The following NEDD4 variants were observed in gnomAD, a reference collection of about 807,000 sequenced individuals.
The protein encoded by NEDD4 is E3 ubiquitin-protein ligase NEDD4.
NEDD4 carries 99 observed loss-of-function variants against 144.9 expected under a neutral mutation model. The ratio of observed to expected loss-of-function variants is 0.68; its 90% CI spans 0.58 to 0.81. The LOEUF is 0.81. NEDD4 is among the 30% of genes least tolerant of loss of function. The pLI is 0.00. For missense variants in NEDD4, 985 were observed against 1,065.9 expected (o/e 0.92, Z 1.06); for synonymous variants, 318 against 350.6 (o/e 0.91, Z 1.04).
intron 5 of NEDD4, among the ~76,000 whole-genome samples, chr15:55,878,926 G>A (rs1245017671): frequency 6.6e-6 from 1 of 152,186 alleles, no homozygotes; most frequent in Non-Finnish European, 1.5e-5. Flanking sequence ...TCGTTCAAGC[G>A]ATTCTTCTGC....
At chr15:55,971,551 G>C (rs1283436367) in intron 1 of NEDD4, among the ~76,000 whole-genome samples, 1 of 148,154 alleles carries the variant, frequency 6.7e-6, no homozygotes, top group East Asian at 2.1e-4. Context: ...CTTGAATCTG[G>C]GAGGCAGAGG....
At chr15:55,927,876 T>C (rs1320140900) in intron 4 of NEDD4, among the ~76,000 whole-genome samples, 7 of 152,178 alleles carry the variant, frequency 4.6e-5, no homozygotes, top group East Asian at 3.9e-4. Flanking sequence ...AGAAACCATT[T>C]TGAGGAAAAA....
chr15:55,867,657 C>T (rs988378098), intron 8 of NEDD4, among the ~76,000 whole-genome samples: 4 of 152,104 alleles, frequency 2.6e-5, no homozygotes, highest in Non-Finnish European at 2.9e-5. Context: ...AACAATTATA[C>T]GAAAATCAGA....
intron 5 of NEDD4, among the ~76,000 whole-genome samples, chr15:55,890,635 T>C (rs1249918070): frequency 2.0e-5 from 3 of 152,244 alleles, no homozygotes; most frequent in Non-Finnish European, 4.4e-5. Context: ...AATGCCACTA[T>C]GAACATTTGA....
intron 5 of NEDD4, among the ~76,000 whole-genome samples, chr15:55,893,124 A>C (rs2035625247): frequency 6.6e-6 from 1 of 152,170 alleles, no homozygotes; most frequent in East Asian, 1.9e-4. Context: ...TGAGTGAGCC[A>C]AGAAGCACAG....
chr15:55,891,709 T>C (rs1342406766), intron 5 of NEDD4, among the ~76,000 whole-genome samples: 1 of 152,200 alleles, frequency 6.6e-6, no homozygotes, highest in East Asian at 1.9e-4. Flanking sequence ...AGTATTATAA[T>C]GACATGAATT....
chr15:55,938,957 A>C (rs1227131044), intron 4 of NEDD4, among the ~76,000 whole-genome samples: 1 of 152,002 alleles, frequency 6.6e-6, no homozygotes, highest in Non-Finnish European at 1.5e-5. Flanking sequence ...ATAAAATAAA[A>C]ATGGTGGTGC....
intron 1 of NEDD4, among the ~76,000 whole-genome samples, chr15:55,983,970 T>A (rs12101804): frequency 0.15 from 22,998 of 152,116 alleles, 3,255 homozygotes; most frequent in East Asian, 0.44. Flanking sequence ...AATATTGATG[T>A]GTGATAATTT....
intron 1 of NEDD4, among the ~76,000 whole-genome samples, chr15:55,984,444 T>A (rs1438053309): frequency 6.6e-6 from 1 of 152,236 alleles, no homozygotes; most frequent in African/African-American, 2.4e-5. Flanking sequence ...TGAAAAAATC[T>A]AACCTGGTGC....
chr15:55,972,255 TA>T (rs1175955930), intron 1 of NEDD4, among the ~76,000 whole-genome samples: 5 of 152,154 alleles, frequency 3.3e-5, no homozygotes, highest in Admixed American at 2.6e-4. Context: ...TTGTGGTGTG[TA>T]AACTCATATC....
At chr15:55,892,221 C>T (rs1340105185) in intron 5 of NEDD4, among the ~76,000 whole-genome samples, 1 of 150,966 alleles carries the variant, frequency 6.6e-6, no homozygotes, top group African/African-American at 2.4e-5. Context: ...GAGCTGAGAT[C>T]GCACCACTTC....
At chr15:55,856,768 A>G (rs2034213527) in intron 11 of NEDD4, among the ~76,000 whole-genome samples, 1 of 152,190 alleles carries the variant, frequency 6.6e-6, no homozygotes, top group African/African-American at 2.4e-5. Flanking sequence ...TGGACATTCC[A>G]GACTACTTGT....
chr15:55,830,729 T>A (rs2032909498), intron 27 of NEDD4, 143 bp from the exon 28 acceptor site: 1 of 664,880 alleles, frequency 1.5e-6, no homozygotes, highest in Admixed American at 2.4e-5. Flanking sequence ...AGATGGGGTA[T>A]CCCTCTGTCA....
chr15:55,862,465 A>G (rs1259303278), intron 9 of NEDD4, among the ~76,000 whole-genome samples: 1 of 152,210 alleles, frequency 6.6e-6, no homozygotes, highest in African/African-American at 2.4e-5. Flanking sequence ...GACATTGACC[A>G]GACTGTCAAA....
intron 4 of NEDD4, among the ~76,000 whole-genome samples, chr15:55,944,285 A>C (rs2037066452): frequency 6.6e-6 from 1 of 152,220 alleles, no homozygotes; most frequent in African/African-American, 2.4e-5. Context: ...CTTCTGGCCA[A>C]ATACTGTGCT....
chr15:55,939,609 A>G (rs1299921361), intron 4 of NEDD4, among the ~76,000 whole-genome samples: 2 of 152,250 alleles, frequency 1.3e-5, no homozygotes, highest in African/African-American at 4.8e-5. Context: ...AAGGTGCTCA[A>G]AAATCACTAA....
intron 17 of NEDD4, among the ~76,000 whole-genome samples, chr15:55,848,085 T>C (rs565650731): frequency 1.3e-5 from 2 of 152,346 alleles, no homozygotes; most frequent in East Asian, 3.9e-4. Context: ...TCATCATTCT[T>C]GTTCAGACAG....
chr15:55,992,692 G>C (rs2038006955), intron 1 of NEDD4, among the ~76,000 whole-genome samples: 1 of 152,118 alleles, frequency 6.6e-6, no homozygotes. Flanking sequence ...ATTTACGACG[G>C]AACAACCTTT....
intron 5 of NEDD4, among the ~76,000 whole-genome samples, chr15:55,903,959 A>G (rs1400292386): frequency 6.6e-6 from 1 of 151,824 alleles, no homozygotes; most frequent in Non-Finnish European, 1.5e-5. Context: ...CAGGAGTTTG[A>G]GACCAGCCTG....
Sources: gnomAD v4.1 joint callset for allele counts (sites outside exome capture counted in the v4.1 genomes callset) on GRCh38, gnomAD v4.1.1 for gene constraint, MANE v1.5 for transcripts, NCBI Gene and HGNC (gene_info 2026-07-23, HGNC 2026-07-21) for gene names.